ZFPM2: variants seen among roughly 807,000 people sequenced by gnomAD.
ZFPM2 encodes zinc finger protein ZFPM2.
ZFPM2 carries 20 observed loss-of-function variants against 98.6 expected under a neutral mutation model. The ratio of observed to expected loss-of-function variants is 0.20; its 90% CI spans 0.14 to 0.29. The LOEUF (loss-of-function observed/expected upper bound fraction) is 0.29, where lower values mean the gene tolerates loss of function less well. Among genes scored for constraint, ZFPM2 ranks in the 10% least tolerant of loss-of-function variants. The probability of loss-of-function intolerance (pLI) is 1.00; values close to 1 mark genes in which losing one functional copy is unlikely to be tolerated. For synonymous variants in ZFPM2, 518 were observed against 502.7 expected (o/e 1.03, Z -0.41); for missense variants, 1,310 against 1,388.6 (o/e 0.94, Z 0.90).
chr8:105,446,803 C>G (rs1417655285), intron 3 of ZFPM2, among the ~76,000 whole-genome samples: 1 of 151,580 alleles, frequency 6.6e-6, no homozygotes, highest in African/African-American at 2.4e-5. Flanking sequence ...ACACATTTAG[C>G]CAAAAAAGGG....
chr8:105,455,817 T>G (rs1357078671), intron 3 of ZFPM2, among the ~76,000 whole-genome samples: 1 of 152,172 alleles, frequency 6.6e-6, no homozygotes, highest in African/African-American at 2.4e-5. Flanking sequence ...TGAGTTGGAT[T>G]TTTAATATGG....
chr8:105,427,655 G>A (rs563100314), intron 2 of ZFPM2, among the ~76,000 whole-genome samples: 11 of 152,276 alleles, frequency 7.2e-5, no homozygotes, highest in Admixed American at 6.5e-4. Context: ...AACATAGACC[G>A]TGTAATGGGA....
intron 1 of ZFPM2, among the ~76,000 whole-genome samples, chr8:105,361,006 G>A (rs1253840529): frequency 6.9e-6 from 1 of 145,916 alleles, no homozygotes; most frequent in Non-Finnish European, 1.5e-5. Context: ...GGATGGCTGG[G>A]TCAAATGGTA....
chr8:105,759,612 A>G (rs1465517827), intron 5 of ZFPM2, among the ~76,000 whole-genome samples: 1 of 141,154 alleles, frequency 7.1e-6, no homozygotes, highest in Non-Finnish European at 1.5e-5. Flanking sequence ...GTGTGTGTGT[A>G]TGCACATGTG....
At chr8:105,660,092 T>G (rs928805209) in intron 5 of ZFPM2, among the ~76,000 whole-genome samples, 1 of 152,172 alleles carries the variant, frequency 6.6e-6, no homozygotes, top group Admixed American at 6.5e-5. Flanking sequence ...AATCAGCCAA[T>G]CTTTTAAAAC....
chr8:105,457,914 G>A (rs1237446571), intron 3 of ZFPM2, among the ~76,000 whole-genome samples: 1 of 152,158 alleles, frequency 6.6e-6, no homozygotes, highest in Non-Finnish European at 1.5e-5. Flanking sequence ...TTAGACACGA[G>A]GCTGCCTATT....
At chr8:105,723,724 G>A (rs1380271943) in intron 5 of ZFPM2, among the ~76,000 whole-genome samples, 9 of 151,838 alleles carry the variant, frequency 5.9e-5, no homozygotes, top group South Asian at 4.2e-4. Context: ...AAGGGCAGTC[G>A]TGATCATAAA....
chr8:105,464,683 T>C (rs1812764883), intron 3 of ZFPM2, among the ~76,000 whole-genome samples: 1 of 151,724 alleles, frequency 6.6e-6, no homozygotes, highest in East Asian at 1.9e-4. Flanking sequence ...TGTTAAATAA[T>C]TATAGTTCCA....
intron 4 of ZFPM2, among the ~76,000 whole-genome samples, chr8:105,590,225 C>T (rs1815812646): frequency 6.6e-6 from 1 of 152,112 alleles, no homozygotes; most frequent in Non-Finnish European, 1.5e-5. Context: ...TCTAAAGTGC[C>T]ACATTTTAAT....
chr8:105,599,015 T>C (rs1163311762), intron 4 of ZFPM2, among the ~76,000 whole-genome samples: 1 of 152,114 alleles, frequency 6.6e-6, no homozygotes, highest in African/African-American at 2.4e-5. Flanking sequence ...TCACACTAGC[T>C]AGCATGGCTA....
intron 4 of ZFPM2, among the ~76,000 whole-genome samples, chr8:105,579,843 T>C (rs1161590141): frequency 3.3e-5 from 5 of 152,142 alleles, no homozygotes; most frequent in African/African-American, 1.2e-4. Flanking sequence ...TTTTGCAAAA[T>C]GAAAACTGGA....
intron 5 of ZFPM2, among the ~76,000 whole-genome samples, chr8:105,726,926 G>A (rs1811822487): frequency 6.6e-6 from 1 of 151,600 alleles, no homozygotes; most frequent in African/African-American, 2.4e-5. Context: ...GAAGAGTATG[G>A]AAAATAGAGG....
intron 1 of ZFPM2, among the ~76,000 whole-genome samples, chr8:105,342,959 G>C (rs1812456612): frequency 6.6e-6 from 1 of 152,020 alleles, no homozygotes; most frequent in African/African-American, 2.4e-5. Flanking sequence ...TCTGGAGGCA[G>C]ACTCAAGTGC....
chr8:105,593,916 A>G (rs574021981), intron 4 of ZFPM2, among the ~76,000 whole-genome samples: 8 of 152,230 alleles, frequency 5.3e-5, no homozygotes, highest in African/African-American at 1.9e-4. Context: ...TTATTACTTT[A>G]GCTGCTCTCT....
At chr8:105,428,970 T>C (rs1194869558) in intron 2 of ZFPM2, among the ~76,000 whole-genome samples, 1 of 152,056 alleles carries the variant, frequency 6.6e-6, no homozygotes, top group South Asian at 2.1e-4. Context: ...TCTTACCAAG[T>C]CTTAGCACAT....
intron 5 of ZFPM2, among the ~76,000 whole-genome samples, chr8:105,693,046 G>A (rs1326133868): frequency 3.9e-5 from 6 of 152,226 alleles, no homozygotes; most frequent in Admixed American, 3.3e-4. Context: ...AGCATGACAT[G>A]AGAAGAGCCT....
intron 5 of ZFPM2, among the ~76,000 whole-genome samples, chr8:105,722,408 GGTTGCCAATCCCCACCCCCAT>G (rs1811689256): frequency 6.6e-6 from 1 of 151,592 alleles, no homozygotes; most frequent in East Asian, 2.0e-4. Context: ...CCTGGATAAG[GGTTGCCAATCCCCACCCCCAT>G]GCATTTGAAA....
intron 5 of ZFPM2, among the ~76,000 whole-genome samples, chr8:105,695,369 A>G (rs889949289): frequency 1.1e-4 from 17 of 148,544 alleles, no homozygotes; most frequent in Admixed American, 1.3e-4. Flanking sequence ...TCAGGCAAGA[A>G]TGGTTTGTAT....
At chr8:105,692,619 C>G (rs1006264141) in intron 5 of ZFPM2, among the ~76,000 whole-genome samples, 4 of 152,192 alleles carry the variant, frequency 2.6e-5, no homozygotes, top group African/African-American at 9.7e-5. Context: ...TCTGCCTGTA[C>G]AAAGCCAAAG....
Sources: gnomAD v4.1 joint callset for allele counts (sites outside exome capture counted in the v4.1 genomes callset) on GRCh38, gnomAD v4.1.1 for gene constraint, MANE v1.5 for transcripts, NCBI Gene and HGNC (gene_info 2026-07-23, HGNC 2026-07-21) for gene names.